The following RILPL2 variants were observed in gnomAD, a reference collection of about 807,000 sequenced individuals.
RILPL2 encodes the protein RILP-like protein 2.
In RILPL2, 19 loss-of-function variants were observed where a neutral mutation model predicts 22.2. That is an observed-to-expected ratio of 0.86 (90% confidence interval 0.60 to 1.25). The LOEUF is 1.25. Among genes scored for constraint, RILPL2 ranks in the 50% most tolerant of loss-of-function variants. RILPL2 has a pLI of 0.00. For missense variants in RILPL2, 243 were observed against 263.6 expected, an observed-to-expected ratio of 0.92 and a Z score of 0.54; for synonymous variants, 123 against 111.6, an observed-to-expected ratio of 1.10 and a Z score of -0.64.
intron 1 of RILPL2, among the ~76,000 whole-genome samples, chr12:123,434,485 G>A (rs896718644): frequency 3.3e-5 from 5 of 151,364 alleles, no homozygotes; most frequent in Admixed American, 2.0e-4. Flanking sequence ...GTGCAGTGGC[G>A]CGATCTCGGC....
Position 123,436,067 on chromosome 12 carries a change from C to A in RILPL2, c.339+15G>T. ...GCAGGCGCCGTGGGCCCGGAACCCT[C>A]GCTCCCACACTCACCTCCCCGCTGG... On this transcript the variant is annotated intron_variant, in intron 1 of 3. Transcript: ENST00000280571. The surrounding 1 kb of genome is among the most constrained non-coding windows in gnomAD (Gnocchi z 6.7). 3 of 1,558,386 alleles carry A rather than the reference C, an allele frequency of 1.9e-6. No homozygotes were observed. Among genetic ancestry groups the A allele is most frequent in the Non-Finnish European group, 2.6e-6 (3 of 1,149,842 alleles).
intron 2 of RILPL2, among the ~76,000 whole-genome samples, chr12:123,424,060 A>G (rs1879366697): frequency 1.3e-5 from 2 of 152,130 alleles, no homozygotes; most frequent in Admixed American, 1.3e-4. Flanking sequence ...TTGGTTTCCT[A>G]ACCTATAAAA....
intron 3 of RILPL2, among the ~76,000 whole-genome samples, chr12:123,421,168 G>C (rs542530665): frequency 4.0e-5 from 6 of 151,432 alleles, no homozygotes; most frequent in Admixed American, 6.6e-5. Context: ...TCAGCTTCCT[G>C]AGTAGCTGAG....
chr12:123,426,633 C>T (rs1047575656), intron 2 of RILPL2, among the ~76,000 whole-genome samples: 5 of 151,802 alleles, frequency 3.3e-5, no homozygotes, highest in African/African-American at 4.8e-5. Context: ...GATGGAGTCT[C>T]GCTGTCGCCC....
chr12:123,425,036 C>T (rs904563910), intron 2 of RILPL2, among the ~76,000 whole-genome samples: 10 of 152,030 alleles, frequency 6.6e-5, no homozygotes, highest in South Asian at 4.1e-4. Context: ...TCCGCCACCA[C>T]GCCCGGCTAA....
Position 123,428,968 on chromosome 12 carries a change from T to C in RILPL2, c.491+1540A>G, listed in dbSNP as rs1475260262. 3.3e-5 allele frequency among the ~76,000 whole-genome samples: 5 copies of C among 152,306 alleles called. No individual in the cohort carries two copies. In the East Asian group the frequency reaches 9.6e-4, roughly 29 times the overall value. ...TTTAACTCAGTGTTTCCCAGAATTA[T>C]TTGACTACAGAGCCCCCTTTTCAAA... On this transcript the variant is annotated intron_variant, in intron 2 of 3. Coordinates refer to ENST00000280571, the MANE Select transcript of RILPL2 (RefSeq NM_145058.3).
the RILPL2 span, among the ~76,000 whole-genome samples, chr12:123,409,714 CTTTTTTTTTTTTT>C: frequency 0.61 from 54,847 of 90,418 alleles, 16,539 homozygotes; most frequent in East Asian, 0.73. Flanking sequence ...CACACCTGGC[CTTTTTTTTTTTTT>C]TTTTTTTTTT....
chr12:123,423,724 G>A (rs370281145), intron 2 of RILPL2, among the ~76,000 whole-genome samples: 3 of 151,484 alleles, frequency 2.0e-5, no homozygotes, highest in Admixed American at 1.3e-4. Context: ...CGCGATCTCG[G>A]CTCACTGCAA....
At chr12:123,425,465 C>CA (rs1417678343) in intron 2 of RILPL2, among the ~76,000 whole-genome samples, 2 of 151,980 alleles carry the variant, frequency 1.3e-5, no homozygotes, top group Non-Finnish European at 2.9e-5. Flanking sequence ...AGGTGTGAGC[C>CA]ATCGTGCCTG....
intron 2 of RILPL2, among the ~76,000 whole-genome samples, chr12:123,426,606 T>C (rs76992239): frequency 0.22 from 33,507 of 152,008 alleles, 4,924 homozygotes; most frequent in Non-Finnish European, 0.33. Flanking sequence ...CTTTCTTTCT[T>C]TTTTTTCTTT....
chr12:123,416,254 G>T (rs1444434292), intron 3 of RILPL2, among the ~76,000 whole-genome samples: 1 of 152,064 alleles, frequency 6.6e-6, no homozygotes, highest in African/African-American at 2.4e-5. Flanking sequence ...AACCCGGGAC[G>T]CAGAGGTTGC....
chr12:123,433,505 C>A (rs1004392881), intron 1 of RILPL2, among the ~76,000 whole-genome samples: 3 of 152,178 alleles, frequency 2.0e-5, no homozygotes, highest in African/African-American at 7.2e-5. Context: ...ACCTCTGCCA[C>A]CCGGGTTCAA....
Position 123,436,397 on chromosome 12 carries a change from T to C in RILPL2, c.24A>G (p.Glu8=), listed in dbSNP as rs1473901292. Residue 8 remains glutamate, a synonymous_variant, in exon 1 of 4, where the codon GAA becomes GAG. Transcript: ENST00000280571. This position sits in a 1 kb window ranked among gnomAD's most constrained non-coding sequence, Gnocchi z 6.7. ...CCTCCTCTCCCTCCTCCTCTTCCTCTTCTCGCACAGGGGGCTCCTCCATGG... is the reference window on the plus strand; with the variant it reads ...CCTCCTCTCCCTCCTCCTCTTCCTCCTCTCGCACAGGGGGCTCCTCCATGG... MEEPPVR[E]EEEEEGEEDE... 2.6e-6 allele frequency: 4 copies of C among 1,550,302 alleles called. No homozygotes were observed. The East Asian group carries it at 9.8e-5, about 38-fold the overall frequency.
chr12:123,432,595 A>T (rs1879682264), intron 1 of RILPL2, among the ~76,000 whole-genome samples: 1 of 152,180 alleles, frequency 6.6e-6, no homozygotes, highest in Non-Finnish European at 1.5e-5. Context: ...CATTTTCCCT[A>T]TCCCTGTTCT....
intron 1 of RILPL2, among the ~76,000 whole-genome samples, chr12:123,432,004 T>C (rs1040069941): frequency 2.0e-5 from 3 of 151,496 alleles, no homozygotes; most frequent in East Asian, 3.9e-4. Flanking sequence ...AAGCAATTCT[T>C]CTGCCTCAGC....
Position 123,436,003 on chromosome 12 carries a change from G to C in RILPL2, c.339+79C>G. On this transcript the variant is annotated intron_variant, in intron 1 of 3. Transcript: ENST00000280571. This position sits in a 1 kb window ranked among gnomAD's most constrained non-coding sequence, Gnocchi z 6.7. ...GAGAAAAGAGAAGAGAAAAGAAAAG[G>C]AAGGCGTCTCCCTGCCAGTAGGTGC... The C allele has an allele frequency of 1.4e-6, 2 of 1,478,416 alleles. No individual in the cohort carries two copies. The highest frequency in any genetic ancestry group is 1.8e-6 in the Non-Finnish European group (2 of 1,114,990). The allele number at this position is 1,478,416 out of a possible 1,614,324, so 91.6% of individuals were successfully genotyped here.
At chr12:123,412,516 C>G (rs1194179048), downstream of RILPL2, 1 of 152,134 alleles carries the variant, frequency 6.6e-6, no homozygotes, top group Non-Finnish European at 1.5e-5. Flanking sequence ...GTGTTCTGGA[C>G]TAGACTCTTA....
At chr12:123,427,414 T>C (rs919921338) in intron 2 of RILPL2, among the ~76,000 whole-genome samples, 4 of 152,098 alleles carry the variant, frequency 2.6e-5, no homozygotes, top group East Asian at 1.9e-4. Flanking sequence ...CCAGCCTACA[T>C]GCAAAGAGAG....
chr12:123,426,703 G>A (rs111774370), intron 2 of RILPL2, among the ~76,000 whole-genome samples: 3 of 151,306 alleles, frequency 2.0e-5, no homozygotes, highest in Non-Finnish European at 4.4e-5. Context: ...CGGGGCTCAC[G>A]CCATCCTCCT....
Sources: gnomAD v4.1 joint callset for allele counts (sites outside exome capture counted in the v4.1 genomes callset) on GRCh38, gnomAD v4.1.1 for gene constraint, Gnocchi (gnomAD v3.1) non-coding constraint, MANE v1.5 for transcripts, NCBI Gene and HGNC (gene_info 2026-07-23, HGNC 2026-07-21) for gene names.